Variants in COL20A1 observed in about 807,000 individuals in gnomAD.
COL20A1 encodes collagen alpha-1(XX) chain.
Under a neutral mutation model 152.9 loss-of-function variants are expected in COL20A1, and 164 were observed. The ratio of observed to expected loss-of-function variants is 1.07; its 90% CI spans 0.94 to 1.22. COL20A1 has a LOEUF of 1.22. COL20A1 is among the 50% of genes most tolerant of loss of function. The pLI is 0.00. For synonymous variants in COL20A1, 864 were observed against 756.0 expected (o/e 1.14, Z -2.34); for missense variants, 1,873 against 1,744.8 (o/e 1.07, Z -1.31).
In COL20A1 at chr20:63,311,023, G is replaced by A. The variant is rs1397744044; in HGVS notation, c.1394-371G>A. Among the ~76,000 whole-genome samples, 5 of 137,100 alleles carry A rather than the reference G, an allele frequency of 3.6e-5. No homozygotes were observed. Among genetic ancestry groups the A allele is most frequent in the African/African-American group, 8.6e-5 (3 of 35,000 alleles). The allele number at this position is 137,100 out of a possible 152,430, so 89.9% of individuals were successfully genotyped here. On this transcript the variant is annotated intron_variant, in intron 11 of 35. Coordinates refer to ENST00000358894, the MANE Select transcript of COL20A1 (RefSeq NM_020882.4). The surrounding 1 kb of genome is among the most constrained non-coding windows in gnomAD (Gnocchi z 4.4). ...AGGAACCCTGCACCCCTAAGCACCC[G>A]CCCCCCCAGCCACCCCAAGCCACCT... is the stretch of plus-strand genomic sequence containing the variant.
intron 21 of COL20A1, among the ~76,000 whole-genome samples, chr20:63,317,367 G>A (rs1568781140): frequency 6.6e-6 from 1 of 151,668 alleles, no homozygotes; most frequent in Non-Finnish European, 1.5e-5. Context: ...TCGGGAGGCT[G>A]AGGTGGGAGC....
intron 9 of COL20A1, 80 bp downstream of exon 9, chr20:63,309,577 C>G: frequency 7.4e-7 from 1 of 1,357,834 alleles, no homozygotes; most frequent in Non-Finnish European, 9.7e-7. Flanking sequence ...CTGTGGCTCC[C>G]GTGTGGTACC....
chr20:63,294,052 TCTG>T (rs1461064690), intron 1 of COL20A1, among the ~76,000 whole-genome samples: 1 of 91,156 alleles, frequency 1.1e-5, no homozygotes, highest in African/African-American at 4.3e-5. Flanking sequence ...GAGTGCTCTG[TCTG>T]CTTTCTGAAG....
At chr20:63,314,267 C>A in intron 19 of COL20A1, 66 bp downstream of exon 19, 1 of 1,416,134 alleles carries the variant, frequency 7.1e-7, no homozygotes, top group South Asian at 1.2e-5. Flanking sequence ...GACCCCAGAC[C>A]CTGCCAGCTC....
intron 2 of COL20A1, among the ~76,000 whole-genome samples, chr20:63,296,600 C>T (rs1056657393): frequency 6.6e-6 from 1 of 152,218 alleles, no homozygotes; most frequent in Non-Finnish European, 1.5e-5. Flanking sequence ...GTGCCCTGCT[C>T]AGGCCCCAAC....
Position 63,310,527 on chromosome 20 carries a change from C to A in COL20A1, c.1393+17C>A. ...TGACCACAGGTAGGTGGGGCAGAGG[C>A]AGCGGCCAGGTTCTGGGTGGGAGGC... On this transcript the variant is annotated intron_variant, in intron 11 of 35. Transcript: ENST00000358894. 6.4e-7 allele frequency: 1 copy of A among 1,571,934 alleles called. No individual in the cohort carries two copies. The highest frequency in any genetic ancestry group is 8.6e-7 in the Non-Finnish European group (1 of 1,158,150).
At chr20:63,327,844 G>C (rs2068274280) in intron 31 of COL20A1, 108 bp from the exon 32 acceptor site, 1 of 1,141,502 alleles carries the variant, frequency 8.8e-7, no homozygotes, top group South Asian at 1.4e-5. Flanking sequence ...CCGCCACTGT[G>C]GCTATCAGGC....
intron 2 of COL20A1, among the ~76,000 whole-genome samples, chr20:63,296,320 A>G (rs986167169): frequency 3.3e-5 from 5 of 152,288 alleles, no homozygotes; most frequent in Non-Finnish European, 7.3e-5. Flanking sequence ...GCTTCTACAG[A>G]AACAACTTGA....
chr20:63,300,753 TC>T (rs1022111501), intron 3 of COL20A1, among the ~76,000 whole-genome samples: 14 of 152,252 alleles, frequency 9.2e-5, no homozygotes, highest in Non-Finnish European at 1.6e-4. Context: ...TCATTGATTT[TC>T]TGCCCTTTTA....
intron 21 of COL20A1, among the ~76,000 whole-genome samples, chr20:63,317,959 C>T (rs1461187110): frequency 6.6e-6 from 1 of 152,116 alleles, no homozygotes; most frequent in Non-Finnish European, 1.5e-5. Flanking sequence ...TGATCGCCTG[C>T]AGCCCGAGGC....
intron 2 of COL20A1, among the ~76,000 whole-genome samples, chr20:63,297,167 C>T (rs932805184): frequency 6.6e-6 from 1 of 152,236 alleles, no homozygotes; most frequent in Non-Finnish European, 1.5e-5. Flanking sequence ...TGAGGCGGCA[C>T]GTGCACCTGG....
Position 63,306,110 on chromosome 20 carries a change from T to C in COL20A1, c.496+71T>C, listed in dbSNP as rs550733447. 457 of 1,393,268 alleles carry C rather than the reference T, an allele frequency of 3.3e-4. No individual in the cohort carries two copies. Among genetic ancestry groups the C allele is most frequent in the Non-Finnish European group, 4.0e-4 (406 of 1,023,968 alleles). The allele number at this position is 1,393,268 out of a possible 1,614,324, so 86.3% of individuals were successfully genotyped here. A position where few individuals can be genotyped will look rare whatever the true frequency, so the allele number is the denominator to read the frequency against. On this transcript the variant is annotated intron_variant, in intron 5 of 35. Transcript: ENST00000358894. This position sits in a 1 kb window ranked among gnomAD's most constrained non-coding sequence, Gnocchi z 6.9. Reference sequence around the variant, plus strand: ...CTTTGGTTTCCCACATTTCCCACCATGAGGCCAGGAAGTTCTTCCTCGTGT... The same window carrying C: ...CTTTGGTTTCCCACATTTCCCACCACGAGGCCAGGAAGTTCTTCCTCGTGT...
At chr20:63,299,209 G>A (rs1050747046) in intron 3 of COL20A1, among the ~76,000 whole-genome samples, 17 of 152,174 alleles carry the variant, frequency 1.1e-4, no homozygotes, top group African/African-American at 2.9e-4. Flanking sequence ...GGGATCCCGC[G>A]TGTGTTTCTG....
In COL20A1 at chr20:63,311,639, G is replaced by A. The variant is rs1326102179; in HGVS notation, c.1554G>A (p.Arg518=). 5.6e-6 allele frequency: 9 copies of A among 1,609,854 alleles called. No homozygotes were observed. The highest frequency in any genetic ancestry group is 2.7e-5 in the African/African-American group (2 of 74,886). ...TGTCTCTGCAGGTGCAGGTCGGGCG[G>A]CCCGAGGTGCTGCTGGATGGCCTGG... ...EEEEREVQVG[R]PEVLLDGLEP... Residue 518 remains arginine (R), a synonymous_variant, in exon 13 of 36, where the codon CGG becomes CGA. Transcript: ENST00000358894. The surrounding 1 kb of genome is among the most constrained non-coding windows in gnomAD (Gnocchi z 4.4).
At position 63,325,409 on chromosome 20, in the gene COL20A1, G is replaced by A. The variant is rs199629629; in HGVS notation, c.3295-32G>A. 237 of 1,562,174 alleles carry A rather than the reference G, an allele frequency of 1.5e-4. 1 individual carries two copies. The African/African-American group carries it at 1.5e-3, about 10-fold the overall frequency. ...TGCCCTCCTGCCCTGTGCCCCCTCCGCTTCGCTGTCCAGCCCATCTTCCCC... is the reference window on the plus strand; with the variant it reads ...TGCCCTCCTGCCCTGTGCCCCCTCCACTTCGCTGTCCAGCCCATCTTCCCC... On this transcript the variant is annotated intron_variant, in intron 27 of 35. Transcript: ENST00000358894.
chr20:63,314,109 C>G lies in COL20A1; in HGVS notation c.2396C>G (p.Pro799Arg). 6.2e-7 allele frequency: 1 copy of G among 1,612,710 alleles called. No individual in the cohort carries two copies. The highest frequency in any genetic ancestry group is 8.5e-7 in the Non-Finnish European group (1 of 1,179,704). Residue 799 changes from proline (P) to arginine (R), a missense_variant, in exon 19 of 36, where the codon CCC becomes CGC. Pro to Arg is a moderately radical substitution (Grantham distance 103, BLOSUM62 -2). Transcript: ENST00000358894. The part of the protein sequence containing the change: ...VPGARSHVTL[P>R]DLQAATKYRV... The stretch of plus-strand genomic sequence containing the variant: ...GGAGCCAGGAGCCACGTGACACTGC[C>G]CGACCTGCAGGCAGCCACGAAGTAC...
At position 63,313,068 on chromosome 20, in the gene COL20A1, C is replaced by G. The variant is rs1178494137; in HGVS notation, c.2077-49C>G. ...ATGCCTCACTGCCCGGCCCCCCAACCTGAGGACCCCACTGCACCCGGTGAC... is the reference window on the plus strand; with the variant it reads ...ATGCCTCACTGCCCGGCCCCCCAACGTGAGGACCCCACTGCACCCGGTGAC... On this transcript the variant is annotated intron_variant, in intron 16 of 35. Transcript: ENST00000358894. The surrounding 1 kb of genome is among the most constrained non-coding windows in gnomAD (Gnocchi z 5.9). 1.3e-6 allele frequency: 2 copies of G among 1,578,548 alleles called. No homozygotes were observed. Among genetic ancestry groups the G allele is most frequent in the Non-Finnish European group, 1.7e-6 (2 of 1,162,542 alleles).
At chr20:63,307,713 A>C in intron 6 of COL20A1, 65 bp downstream of exon 6, 1 of 1,545,514 alleles carries the variant, frequency 6.5e-7, no homozygotes, top group Non-Finnish European at 8.8e-7. Flanking sequence ...CTGCCAGAGG[A>C]GGCTGTGACC....
rs1441597064 is a variant in COL20A1 at position 63,307,972 on chromosome 20, C to T, written c.657C>T (p.Gly219=). ...FEIGPDKVQV[G]LTQYSGDAQT... The stretch of plus-strand genomic sequence containing the variant: ...CGTGGCCATGCCCCTGCTCCCCAGG[C>T]CTGACTCAGTACAGCGGGGATGCTC... Residue 219 remains glycine (G), a splice_region_variant and synonymous_variant, in exon 7 of 36, where the codon GGC becomes GGT. Coordinates refer to ENST00000358894, the MANE Select transcript of COL20A1 (RefSeq NM_020882.4). 1 of 1,612,370 alleles carries T rather than the reference C, an allele frequency of 6.2e-7. No individual in the cohort carries two copies. Among genetic ancestry groups the T allele is most frequent in the Non-Finnish European group, 8.5e-7 (1 of 1,179,580 alleles).
Sources: gnomAD v4.1 joint callset for allele counts (sites outside exome capture counted in the v4.1 genomes callset) on GRCh38, gnomAD v4.1.1 for gene constraint, Gnocchi (gnomAD v3.1) non-coding constraint, MANE v1.5 for transcripts, NCBI Gene and HGNC (gene_info 2026-07-23, HGNC 2026-07-21) for gene names.